Variants in TEP1 observed in about 807,000 individuals in gnomAD.
TEP1 encodes telomerase protein component 1.
A neutral mutation model predicts 306.3 loss-of-function variants in TEP1; 241 were observed. That is an observed-to-expected ratio of 0.79 (90% CI 0.71 to 0.88). The LOEUF (loss-of-function observed/expected upper bound fraction) is 0.88. TEP1 is among the 40% of genes least tolerant of loss of function. The pLI is 0.00. For missense variants in TEP1, 3,051 were observed against 3,276.1 expected, an observed-to-expected ratio of 0.93 and a Z score of 1.68; for synonymous variants, 1,289 against 1,305.5, an observed-to-expected ratio of 0.99 and a Z score of 0.27.
At chr14:20,388,178 A>C in intron 17 of TEP1, 115 bp from the exon 18 acceptor site, 1 of 1,104,700 alleles carries the variant, frequency 9.1e-7, no homozygotes. Flanking sequence ...CAGTTAAGTC[A>C]AGCTCCTTAA....
intron 13 of TEP1, 126 bp downstream of exon 13, chr14:20,391,473 A>C: frequency 4.4e-6 from 5 of 1,146,686 alleles, no homozygotes; most frequent in Non-Finnish European, 6.3e-6. Context: ...CTTGGAAGCA[A>C]ATTCATATCA....
chr14:20,389,234 T>C lies in TEP1; in HGVS notation c.2525+4A>G, dbSNP rs1485055243. 3 of 1,613,848 alleles carry C rather than the reference T, an allele frequency of 1.9e-6. No individual in the cohort carries two copies. Among genetic ancestry groups the C allele is most frequent in the South Asian group, 1.1e-5 (1 of 91,074 alleles). ...CAACCCTTCAGTATCCATTCTGTAC[T>C]CACTTCAGTATCGCATCAGTACAGC... is the stretch of plus-strand genomic sequence containing the variant. On this transcript the variant is annotated splice_donor_region_variant and intron_variant, in intron 17 of 54. Coordinates refer to ENST00000262715, the MANE Select transcript of TEP1 (RefSeq NM_007110.5).
At chr14:20,403,530 T>C in intron 6 of TEP1, 82 bp from the exon 7 acceptor site, 1 of 1,600,246 alleles carries the variant, frequency 6.2e-7, no homozygotes, top group Non-Finnish European at 8.5e-7. Context: ...TGAAGGTGCA[T>C]CTCTACCAAA....
intron 49 of TEP1, 74 bp downstream of exon 49, chr14:20,372,659 G>A (rs1299041763): frequency 5.6e-6 from 9 of 1,600,176 alleles, no homozygotes; most frequent in Non-Finnish European, 6.8e-6. Context: ...AAGCAGAAGT[G>A]CAGTAATTTG....
chr14:20,391,611 G>T lies in TEP1; in HGVS notation c.2085C>A (p.Ser695Arg). 1 of 1,613,294 alleles carries T rather than the reference G, an allele frequency of 6.2e-7. No homozygotes were observed. Among genetic ancestry groups the T allele is most frequent in the Non-Finnish European group, 8.5e-7 (1 of 1,179,574 alleles). Residue 695 changes from serine to arginine, a missense_variant, in exon 13 of 55, where the codon AGC becomes AGA. Physicochemically the swap from Ser to Arg is moderately radical, Grantham distance 110 (BLOSUM62 -1). Transcript: ENST00000262715. ...DANADRLCPK[S>R]NPQGPPLNYA... The stretch of plus-strand genomic sequence containing the variant: ...TTTGTTTTCTTACCCCTTGTGGGTT[G>T]CTCTTTGGACAGAGCCTGTCTGCAT...
At chr14:20,402,954 C>G (rs576930509) in intron 7 of TEP1, among the ~76,000 whole-genome samples, 10 of 151,856 alleles carry the variant, frequency 6.6e-5, no homozygotes, top group Non-Finnish European at 1.5e-4. Flanking sequence ...GTCAGGAGTT[C>G]GAGACCAGCC....
intron 39 of TEP1, 58 bp from the exon 40 acceptor site, chr14:20,377,811 G>GT (rs1594329859): frequency 6.3e-7 from 1 of 1,596,626 alleles, no homozygotes; most frequent in East Asian, 2.2e-5. Flanking sequence ...CCTCCTTCCT[G>GT]TTTTGAGTTA....
intron 19 of TEP1, 58 bp downstream of exon 19, chr14:20,386,389 G>A (rs2095893685): frequency 1.9e-6 from 3 of 1,575,062 alleles, no homozygotes; most frequent in Non-Finnish European, 2.6e-6. Context: ...CCCACCTCAG[G>A]TCCACCACTC....
rs1355109853 is a variant in TEP1 at position 20,405,605 on chromosome 14, G to A, written c.736-20C>T. 1.2e-6 allele frequency: 2 copies of A among 1,611,504 alleles called. No homozygotes were observed. Among genetic ancestry groups the A allele is most frequent in the Non-Finnish European group, 1.7e-6 (2 of 1,178,848 alleles). On this transcript the variant is annotated intron_variant, in intron 3 of 54. Transcript: ENST00000262715. ...AGCCATCTGGGAATTGAGAAAGAGG[G>A]AAGAAATGAGAAGAGAGGTAACAAG...
chr14:20,391,600 C>A lies in TEP1; in HGVS notation c.2096G>T (p.Gly699Val), dbSNP rs138173061. ...DRLCPKSNPQGPPLNYALLLI... is the reference protein window; with the variant it reads ...DRLCPKSNPQVPPLNYALLLI... ...GGAGGATGCTTTTTGTTTTCTTACC[C>A]CTTGTGGGTTGCTCTTTGGACAGAG... is the stretch of plus-strand genomic sequence containing the variant. The change falls in exon 13 of 55, where the codon GGG (glycine) becomes GTG (valine). Residue 699 changes from glycine to valine, a missense_variant and splice_region_variant. Physicochemically the swap from Gly to Val is moderately radical, Grantham distance 109. Transcript: ENST00000262715. 1 of 1,611,576 alleles carries A rather than the reference C, an allele frequency of 6.2e-7. No homozygotes were observed. Among genetic ancestry groups the A allele is most frequent in the Non-Finnish European group, 8.5e-7 (1 of 1,178,506 alleles).
At position 20,373,108 on chromosome 14, in the gene TEP1, G is replaced by C. The variant is rs963035278; in HGVS notation, c.6854C>G (p.Ala2285Gly). The C allele has an allele frequency of 1.2e-6, 2 of 1,614,248 alleles. No homozygotes were observed. Among genetic ancestry groups the C allele is most frequent in the Middle Eastern group, 3.3e-4 (2 of 6,062 alleles). Residue 2285 changes from alanine to glycine, a missense_variant, in exon 48 of 55, where the codon GCT (alanine) becomes GGT (glycine). This residue lies in a region of TEP1 where 1,540 missense variants were observed against 1,705.9 expected (regional missense o/e 0.90). Coordinates refer to ENST00000262715, the MANE Select transcript of TEP1 (RefSeq NM_007110.5). ...GGAACCATCTGGTGCCCAAGCCACA[G>C]CAGTGACGGCTGCAGAACTCCTTGG... ...CIPRSSAAVT[A>G]VAWAPDGSMA...
chr14:20,394,428 G>A (rs976980225), intron 12 of TEP1, among the ~76,000 whole-genome samples: 2 of 150,432 alleles, frequency 1.3e-5, no homozygotes, highest in Admixed American at 6.6e-5. Flanking sequence ...GTGGCTAGTG[G>A]CTACATTGGT....
chr14:20,385,304 G>A (rs570236390), intron 20 of TEP1, among the ~76,000 whole-genome samples, 195 bp from the exon 21 acceptor site: 1 of 152,138 alleles, frequency 6.6e-6, no homozygotes, highest in Non-Finnish European at 1.5e-5. Context: ...GGCACTAATA[G>A]CTAACATTCA....
At position 20,369,569 on chromosome 14, in the gene TEP1, T is replaced by A; in HGVS notation, c.7431A>T (p.Ser2477=). 1.2e-6 allele frequency: 2 copies of A among 1,614,142 alleles called. No individual in the cohort carries two copies. Among genetic ancestry groups the A allele is most frequent in the Non-Finnish European group, 1.7e-6 (2 of 1,180,020 alleles). The change falls in exon 53 of 55, where the codon TCA becomes TCT. Residue 2477 remains serine, a synonymous_variant. Transcript: ENST00000262715. The part of the protein sequence containing the change: ...ITQAKPESES[S]FLCASSDGIL... ...TCCCATCAGAGCTGGCACACAAAAATGAGGACTCTGCCATTTTAAGGACAG... is the reference window on the plus strand; with the variant it reads ...TCCCATCAGAGCTGGCACACAAAAAAGAGGACTCTGCCATTTTAAGGACAG...
intron 9 of TEP1, among the ~76,000 whole-genome samples, chr14:20,400,205 C>A (rs926498151): frequency 1.4e-5 from 2 of 145,468 alleles, no homozygotes; most frequent in Non-Finnish European, 3.0e-5. Context: ...CCCCTTTATT[C>A]TACTCCACCC....
chr14:20,386,230 C>T (rs779279205), intron 19 of TEP1, 35 bp from the exon 20 acceptor site: 5 of 1,613,254 alleles, frequency 3.1e-6, no homozygotes, highest in Non-Finnish European at 2.5e-6. Context: ...GTGGGAGTCA[C>T]TGGGGGCATG....
At chr14:20,384,954 G>A in intron 21 of TEP1, 31 bp downstream of exon 21, 1 of 1,613,994 alleles carries the variant, frequency 6.2e-7, no homozygotes, top group Non-Finnish European at 8.5e-7. Flanking sequence ...TTTTGGGGAA[G>A]GAGCCCCAGC....
At chr14:20,406,485 C>T (rs1024793199) in intron 2 of TEP1, 85 bp from the exon 3 acceptor site, 28 of 1,415,564 alleles carry the variant, frequency 2.0e-5, no homozygotes, top group Middle Eastern at 1.8e-4. Context: ...CACCAGGCCA[C>T]GGGAAAAGTC....
At position 20,365,813 on chromosome 14, in the gene TEP1, CTT is replaced by C. The variant is rs1021374722; in HGVS notation, c.*2622_*2623del. On this transcript the variant is annotated 3_prime_UTR_variant, in exon 55 of 55. Transcript: ENST00000262715. ...AACTGGCACTAGTCCATGAACCAAA[CTT>C]TGAGTACCTCTGCTCTAGATTTCAA... 42 of 152,292 alleles carry C rather than the reference CTT, an allele frequency of 2.8e-4. No individual in the cohort carries two copies. The highest frequency in any genetic ancestry group is 9.6e-4 in the African/African-American group (40 of 41,566). The allele number at this position is 152,292 out of a possible 1,614,324, so 9.4% of individuals were successfully genotyped here. A position where few individuals can be genotyped will look rare whatever the true frequency, so the allele number is the denominator to read the frequency against.
Sources: gnomAD v4.1 joint callset for allele counts (sites outside exome capture counted in the v4.1 genomes callset) on GRCh38, gnomAD v4.1.1 for gene constraint, gnomAD v4.1.1 regional missense constraint, MANE v1.5 for transcripts, NCBI Gene and HGNC (gene_info 2026-07-23, HGNC 2026-07-21) for gene names.